Variants in MRTFB observed in about 807,000 individuals in gnomAD.
MRTFB encodes the protein myocardin-related transcription factor B.
A neutral mutation model predicts 104.2 loss-of-function variants in MRTFB; 29 were observed. The observed-to-expected ratio is 0.28, with a 90% CI of 0.21 to 0.38. The LOEUF (loss-of-function observed/expected upper bound fraction) is 0.38, where lower values mean the gene tolerates loss of function less well. MRTFB is among the 10% of genes least tolerant of loss of function. The probability of loss-of-function intolerance (pLI) is 1.00; values close to 1 mark genes in which losing one functional copy is unlikely to be tolerated. For missense variants in MRTFB, 1,270 were observed against 1,341.6 expected (o/e 0.95, Z 0.83); for synonymous variants, 535 against 519.5 (o/e 1.03, Z -0.41).
the MRTFB span, among the ~76,000 whole-genome samples, chr16:14,050,905 T>C: frequency 1.3e-5 from 2 of 152,136 alleles, no homozygotes; most frequent in Admixed American, 6.6e-5. Flanking sequence ...CTTGCAAAGA[T>C]GTCATCGAAT....
intron 3 of MRTFB, chr16:14,144,922 C>G (rs2038218439): frequency 6.8e-6 from 1 of 146,834 alleles, no homozygotes; most frequent in African/African-American, 2.5e-5. Flanking sequence ...GCACTCCATC[C>G]TGGGTGACAG....
chr16:14,124,358 T>C (rs2037002218), intron 2 of MRTFB, among the ~76,000 whole-genome samples: 2 of 152,208 alleles, frequency 1.3e-5, no homozygotes, highest in South Asian at 4.1e-4. Context: ...TCAAAGGGAA[T>C]GCTTCCAGTT....
chr16:14,230,958 A>C (rs1254051055), intron 8 of MRTFB, among the ~76,000 whole-genome samples: 2 of 151,638 alleles, frequency 1.3e-5, no homozygotes, highest in Non-Finnish European at 2.9e-5. Context: ...CAGCCATAAA[A>C]AATGATGAGT....
chr16:14,212,287 T>C (rs2041224736), intron 4 of MRTFB, 67 bp from the exon 5 acceptor site: 2 of 1,470,736 alleles, frequency 1.4e-6, no homozygotes, highest in Non-Finnish European at 1.9e-6. Flanking sequence ...ATCACCATGG[T>C]ATACTATAAC....
At chr16:14,013,253 T>C in the MRTFB span, 1 of 152,224 alleles carries the variant, frequency 6.6e-6, no homozygotes, top group African/African-American at 2.4e-5. Flanking sequence ...TCTGAGAGTG[T>C]TGTGTGTCTT....
chr16:14,227,951 T>TA (rs369511525), intron 8 of MRTFB, among the ~76,000 whole-genome samples: 1,497 of 134,454 alleles, frequency 0.011, 11 homozygotes, highest in Admixed American at 0.016. Context: ...CAGTCTATCT[T>TA]AAAAAAAAAA....
At chr16:14,146,456 A>G (rs2038321357) in intron 3 of MRTFB, among the ~76,000 whole-genome samples, 1 of 152,210 alleles carries the variant, frequency 6.6e-6, no homozygotes, top group African/African-American at 2.4e-5. Flanking sequence ...TATCATACAG[A>G]ATAACTTTAG....
chr16:14,134,364 C>T (rs774068944), intron 2 of MRTFB, among the ~76,000 whole-genome samples: 6 of 152,180 alleles, frequency 3.9e-5, no homozygotes, highest in Non-Finnish European at 8.8e-5. Context: ...AGAATTATAA[C>T]CTAGCAACAA....
chr16:14,000,015 T>C, the MRTFB span, among the ~76,000 whole-genome samples: 12 of 152,250 alleles, frequency 7.9e-5, no homozygotes, highest in South Asian at 2.3e-3. Context: ...ACCATAGCAC[T>C]GTGACTCTCA....
chr16:13,995,784 C>A, the MRTFB span, among the ~76,000 whole-genome samples: 1 of 152,132 alleles, frequency 6.6e-6, no homozygotes, highest in South Asian at 2.1e-4. Flanking sequence ...GTACTTTTAA[C>A]CAACTAGATC....
chr16:14,107,536 G>GT (rs1292633048), intron 2 of MRTFB, among the ~76,000 whole-genome samples: 5 of 152,172 alleles, frequency 3.3e-5, no homozygotes, highest in Non-Finnish European at 7.3e-5. Flanking sequence ...AGAATAAATG[G>GT]TGAGCACAGT....
chr16:14,212,329 G>T (rs1446177405), intron 4 of MRTFB, 25 bp from the exon 5 acceptor site: 1 of 1,612,998 alleles, frequency 6.2e-7, no homozygotes. Context: ...TATTTATACT[G>T]TGGAAACCAT....
At position 14,127,913 on chromosome 16, in the gene MRTFB, ATATATATATATATATATTTTTTTTT is replaced by A. The variant is rs1241199676; in HGVS notation, c.-63-12629_-63-12605del. ...TTAGCAAAACTGAATATATATATAT[ATATATATATATATATATTTTTTTTT>A]TTTTTTTTTTTTTCTTTTTTTCCCC... On this transcript the variant is annotated intron_variant, in intron 2 of 16. Coordinates refer to ENST00000571589, the MANE Select transcript of MRTFB (RefSeq NM_001308142.2). Among the ~76,000 whole-genome samples the A allele has an allele frequency of 2.7e-3, 122 of 45,528 alleles. 3 individuals carry two copies. The highest frequency in any genetic ancestry group is 0.01 in the African/African-American group (118 of 11,654). The allele number at this position is 45,528 out of a possible 152,430, so 29.9% of individuals were successfully genotyped here. A position where few individuals can be genotyped will look rare whatever the true frequency, so the allele number is the denominator to read the frequency against.
chr16:14,132,906 T>G (rs566628261), intron 2 of MRTFB, among the ~76,000 whole-genome samples: 6 of 152,352 alleles, frequency 3.9e-5, no homozygotes, highest in Non-Finnish European at 7.3e-5. Flanking sequence ...TCAGCTGTGT[T>G]TGTTCCTAAA....
At chr16:14,070,540 G>C (rs1331365275), upstream of MRTFB, among the ~76,000 whole-genome samples, 1 of 152,222 alleles carries the variant, frequency 6.6e-6, no homozygotes, top group African/African-American at 2.4e-5. Context: ...ACAGTCTTCA[G>C]AGCTGCACAG....
rs202092556 is a variant in MRTFB at position 14,247,312 on chromosome 16, C to G, written c.2052C>G (p.Val684=). 1,804 of 1,614,190 alleles carry G rather than the reference C, an allele frequency of 1.1e-3. 29 individuals carry two copies. In the South Asian group the frequency reaches 0.019, roughly 17 times the overall value. ...AGGCTGTAGTTATCAAGCAAGAGGT[C>G]CCTGTGGGCCAGGCAGAGCAGCAGA... ...AKKAVVIKQE[V]PVGQAEQQSV... The change falls in exon 12 of 17, where the codon GTC becomes GTG. Residue 684 remains valine (V), a synonymous_variant. Transcript: ENST00000571589.
the MRTFB span, among the ~76,000 whole-genome samples, chr16:13,994,858 C>T: frequency 3.3e-5 from 5 of 152,280 alleles, no homozygotes; most frequent in African/African-American, 1.2e-4. Context: ...CTGAGACGAC[C>T]CGTAAACCCC....
chr16:14,228,014 T>C (rs2042088853), intron 8 of MRTFB, among the ~76,000 whole-genome samples: 1 of 150,862 alleles, frequency 6.6e-6, no homozygotes, highest in Non-Finnish European at 1.5e-5. Flanking sequence ...GATATGCAAT[T>C]GGCCAATAAG....
the MRTFB span, chr16:14,019,335 G>A: frequency 6.6e-6 from 1 of 152,106 alleles, no homozygotes; most frequent in Non-Finnish European, 1.5e-5. Context: ...TTACTACTTA[G>A]CTGGTGCTGT....
Sources: allele counts gnomAD v4.1 joint callset (sites outside exome capture counted in the v4.1 genomes callset), GRCh38; gene constraint gnomAD v4.1.1; transcripts MANE v1.5; gene names NCBI Gene and HGNC (gene_info 2026-07-23, HGNC 2026-07-21).